The following RPGRIP1L variants were observed in gnomAD, a reference collection of about 807,000 sequenced individuals.
The protein encoded by RPGRIP1L is protein fantom.
In RPGRIP1L, 131 loss-of-function variants were observed where a neutral mutation model predicts 160.4. The observed-to-expected ratio is 0.82, with a 90% CI of 0.71 to 0.94. RPGRIP1L has a LOEUF of 0.94. RPGRIP1L is among the 40% of genes least tolerant of loss of function. The pLI is 0.00. For missense variants in RPGRIP1L, 1,522 were observed against 1,535.8 expected, an observed-to-expected ratio of 0.99 and a Z score of 0.15; for synonymous variants, 510 against 515.8, an observed-to-expected ratio of 0.99 and a Z score of 0.15.
chr16:53,650,554 G>A (rs975101056), intron 15 of RPGRIP1L, among the ~76,000 whole-genome samples: 3 of 152,012 alleles, frequency 2.0e-5, no homozygotes, highest in Non-Finnish European at 2.9e-5. Context: ...TGAGACCCTG[G>A]CTTAATGAAA....
chr16:53,628,426 A>G (rs529676066), intron 22 of RPGRIP1L: 2 of 152,166 alleles, frequency 1.3e-5, no homozygotes, highest in Non-Finnish European at 2.9e-5. Context: ...CAGGCTGGGC[A>G]TGGGCAGAGA....
chr16:53,641,440 C>T lies in RPGRIP1L; in HGVS notation c.2719G>A (p.Ala907Thr). The T allele has an allele frequency of 6.2e-7, 1 of 1,613,938 alleles. No individual in the cohort carries two copies. The highest frequency in any genetic ancestry group is 8.5e-7 in the Non-Finnish European group (1 of 1,179,904). Residue 907 changes from alanine (A) to threonine (T), a missense_variant, in exon 18 of 27, where the codon GCT becomes ACT. By Grantham distance (58) the Ala-to-Thr change is moderately conservative. Transcript: ENST00000647211. ...FELTDHQKHP[A>T]GTIHVILKWK... ...TTCAATATAACATGGATGGTGCCAG[C>T]AGGATGCTTTTGATGGTCTGTTAAC...
At chr16:53,700,088 G>C (rs1051070267) in intron 2 of RPGRIP1L, among the ~76,000 whole-genome samples, 1 of 152,146 alleles carries the variant, frequency 6.6e-6, no homozygotes, top group Non-Finnish European at 1.5e-5. Context: ...ACAGCTCTCT[G>C]TTCTAAATTG....
chr16:53,598,660 T>G lies in RPGRIP1L; in HGVS notation c.*3416A>C, dbSNP rs1201287427. On this transcript the variant is annotated 3_prime_UTR_variant, in exon 27 of 27. Transcript: ENST00000647211. ...TTGTTTTTGTTCTGAACAAAGGGGA[T>G]GTAAATCTGTTTGTTCCCATTCATG... The G allele has an allele frequency of 6.6e-6, 1 of 152,246 alleles. No homozygotes were observed. The highest frequency in any genetic ancestry group is 1.5e-5 in the Non-Finnish European group (1 of 68,036). 9.4% of individuals were successfully genotyped at this position (152,246 alleles called of 1,614,324 possible). A position where few individuals can be genotyped will look rare whatever the true frequency, so the allele number is the denominator to read the frequency against.
intron 20 of RPGRIP1L, 151 bp downstream of exon 20, chr16:53,638,159 C>T (rs570158682): frequency 7.3e-5 from 47 of 644,856 alleles, no homozygotes; most frequent in Admixed American, 1.8e-4. Flanking sequence ...TGGCTGTTAC[C>T]CTTGTCATAT....
intron 9 of RPGRIP1L, among the ~76,000 whole-genome samples, chr16:53,665,325 A>T (rs1189014022): frequency 2.0e-5 from 3 of 152,224 alleles, no homozygotes; most frequent in Non-Finnish European, 4.4e-5. Flanking sequence ...GGAATCCACA[A>T]TTCCAAAACT....
rs1321111982 is a variant in RPGRIP1L, at chr16:53,687,749, C to T, written c.632+114G>A. On this transcript the variant is annotated intron_variant, in intron 5 of 26. Transcript: ENST00000647211. ...TCTGTTGTTACCCTACAGAACATAGCTGTATTTCAGTGGAGCAAACTGTTT... is the reference window on the plus strand; with the variant it reads ...TCTGTTGTTACCCTACAGAACATAGTTGTATTTCAGTGGAGCAAACTGTTT... The T allele has an allele frequency of 1.5e-5, 11 of 727,978 alleles. No homozygotes were observed. In the South Asian group the frequency reaches 1.6e-4, roughly 11 times the overall value. The allele number at this position is 727,978 out of a possible 1,614,324, so 45.1% of individuals were successfully genotyped here.
Position 53,658,767 on chromosome 16 carries a change from T to C in RPGRIP1L, c.1350+5A>G, listed in dbSNP as rs1362114777. 1.3e-6 allele frequency: 2 copies of C among 1,564,214 alleles called. No individual in the cohort carries two copies. The highest frequency in any genetic ancestry group is 3.5e-5 in the Admixed American group (2 of 56,368). ...TTTTATTTCTTAAATAAGGAAATAA[T>C]TCACCTGGTTGTACAATTTTATGCG... is the stretch of plus-strand genomic sequence containing the variant. On this transcript the variant is annotated splice_donor_5th_base_variant and intron_variant, in intron 11 of 26. Coordinates refer to ENST00000647211, the MANE Select transcript of RPGRIP1L (RefSeq NM_015272.5).
chr16:53,608,582 TG>T (rs1000632482), intron 25 of RPGRIP1L, among the ~76,000 whole-genome samples: 22 of 152,242 alleles, frequency 1.4e-4, no homozygotes, highest in African/African-American at 5.3e-4. Flanking sequence ...AAATATAGCA[TG>T]GGGTGGCATG....
rs1432386308 is a variant in RPGRIP1L, at chr16:53,605,488, A to G, written c.3828T>C (p.Asn1276=). The G allele has an allele frequency of 1.2e-6, 2 of 1,613,970 alleles. No individual in the cohort carries two copies. Among genetic ancestry groups the G allele is most frequent in the Admixed American group, 1.7e-5 (1 of 60,004 alleles). ...CAACACTTTCACCCATACCATCGAT[A>G]TTTTGCTCAATGAGGTCCCTCCCTT... ...FQEGRDLIEQ[N]IDVFDARADG... Residue 1276 remains asparagine, a synonymous_variant, in exon 26 of 27, where the codon AAT becomes AAC. Coordinates refer to ENST00000647211, the MANE Select transcript of RPGRIP1L (RefSeq NM_015272.5).
intron 2 of RPGRIP1L, 56 bp downstream of exon 2, chr16:53,700,583 T>G (rs571548116): frequency 1.5e-6 from 2 of 1,345,928 alleles, no homozygotes; most frequent in South Asian, 2.4e-5. Context: ...ATACTTTAAA[T>G]TAAAAGTAGT....
At chr16:53,604,024 C>T (rs1325855463) in intron 26 of RPGRIP1L, among the ~76,000 whole-genome samples, 4 of 152,226 alleles carry the variant, frequency 2.6e-5, no homozygotes, top group African/African-American at 4.8e-5. Flanking sequence ...GGAAAAAATA[C>T]GAAGAATATA....
At chr16:53,604,815 A>G (rs1166091840) in intron 26 of RPGRIP1L, among the ~76,000 whole-genome samples, 1 of 152,200 alleles carries the variant, frequency 6.6e-6, no homozygotes, top group African/African-American at 2.4e-5. Context: ...TAAGGCTTCC[A>G]TAAACATTAA....
At chr16:53,624,080 C>T (rs771948152) in intron 22 of RPGRIP1L, among the ~76,000 whole-genome samples, 19 of 151,956 alleles carry the variant, frequency 1.3e-4, no homozygotes, top group East Asian at 3.9e-4. Flanking sequence ...TTTGTAGAGA[C>T]GGGGTTTCAC....
intron 11 of RPGRIP1L, 87 bp downstream of exon 11, chr16:53,658,685 T>C: frequency 1.1e-6 from 1 of 949,868 alleles, no homozygotes; most frequent in Non-Finnish European, 1.6e-6. Context: ...CTGTATGCTT[T>C]CGCTTTGTAG....
intron 22 of RPGRIP1L, 72 bp from the exon 23 acceptor site, chr16:53,622,428 A>T (rs902256561): frequency 1.8e-6 from 1 of 547,320 alleles, no homozygotes; most frequent in Non-Finnish European, 3.3e-6. Flanking sequence ...ACTTCATCTC[A>T]GCATGTCAGA....
rs1308370989 is a variant in RPGRIP1L at position 53,598,968 on chromosome 16, A to G, written c.*3108T>C. The G allele has an allele frequency of 1.3e-5, 2 of 152,218 alleles. No homozygotes were observed. The highest frequency in any genetic ancestry group is 3.8e-4 in the East Asian group (2 of 5,202). The allele number at this position is 152,218 out of a possible 1,614,324, so 9.4% of individuals were successfully genotyped here. On this transcript the variant is annotated 3_prime_UTR_variant, in exon 27 of 27. Coordinates refer to ENST00000647211, the MANE Select transcript of RPGRIP1L (RefSeq NM_015272.5). ...TGCATAAGGAAATCATTCTACATTC[A>G]GCAATAGTGCCAGTTTGACTAAAAA...
chr16:53,672,937 C>A lies in RPGRIP1L; in HGVS notation c.962G>T (p.Arg321Leu). ...TTTCTCAAGACTGCAGCATTTTAAA[C>A]GCTGCTCTTTAAGTTGCATGTTTAA... ...DELNMQLKEQ[R>L]LKCCSLEKQL... The change falls in exon 8 of 27, where the codon CGT (arginine) becomes CTT (leucine). Residue 321 changes from arginine (R) to leucine (L), a missense_variant. Coordinates refer to ENST00000647211, the MANE Select transcript of RPGRIP1L (RefSeq NM_015272.5). 2 of 1,612,240 alleles carry A rather than the reference C, an allele frequency of 1.2e-6. No homozygotes were observed. Among genetic ancestry groups the A allele is most frequent in the Non-Finnish European group, 1.7e-6 (2 of 1,178,634 alleles).
intron 6 of RPGRIP1L, among the ~76,000 whole-genome samples, chr16:53,684,535 T>C (rs1260724698): frequency 3.3e-5 from 5 of 151,650 alleles, no homozygotes; most frequent in African/African-American, 4.9e-5. Context: ...TAGGTGGGAA[T>C]TGAACAATGA....
Sources: gnomAD v4.1 joint callset for allele counts (sites outside exome capture counted in the v4.1 genomes callset) on GRCh38, gnomAD v4.1.1 for gene constraint, MANE v1.5 for transcripts, NCBI Gene and HGNC (gene_info 2026-07-23, HGNC 2026-07-21) for gene names.